The following CX3CL1 variants were observed in gnomAD, a reference collection of about 807,000 sequenced individuals.
CX3CL1 encodes fractalkine.
A neutral mutation model predicts 14.1 loss-of-function variants in CX3CL1; 1 was observed. The ratio of observed to expected loss-of-function variants is 0.07; its 90% confidence interval spans 0.03 to 0.34. The LOEUF (loss-of-function observed/expected upper bound fraction) is 0.34. Among genes scored for constraint, CX3CL1 ranks in the 10% least tolerant of loss-of-function variants. The pLI, the probability that CX3CL1 is intolerant of heterozygous loss-of-function variation, is 0.99. For missense variants in CX3CL1, 505 were observed against 536.4 expected (o/e 0.94, Z 0.58); for synonymous variants, 255 against 229.6 (o/e 1.11, Z -1.00).
At chr16:57,375,119 G>A (rs1471468200) in intron 1 of CX3CL1, among the ~76,000 whole-genome samples, 8 of 146,958 alleles carry the variant, frequency 5.4e-5, no homozygotes, top group Non-Finnish European at 1.2e-4. Context: ...CAGCCTGGGT[G>A]ACAGAGTGAG....
chr16:57,381,352 G>A (rs750883673), intron 2 of CX3CL1, among the ~76,000 whole-genome samples: 10 of 152,148 alleles, frequency 6.6e-5, no homozygotes, highest in Admixed American at 5.9e-4. Context: ...TTTGGAGGGC[G>A]CTCGGGATCC....
intron 2 of CX3CL1, 100 bp downstream of exon 2, chr16:57,379,854 G>C (rs1902296245): frequency 6.2e-6 from 9 of 1,440,564 alleles, no homozygotes; most frequent in Non-Finnish European, 8.6e-6. Context: ...CCAGACCTGG[G>C]CTCCCAGCCA....
In CX3CL1 at chr16:57,384,588, C is replaced by T. The variant is rs1902386860; in HGVS notation, c.*1556C>T. 6.6e-6 allele frequency: 1 copy of T among 152,474 alleles called. No individual in the cohort carries two copies. The highest frequency in any genetic ancestry group is 1.5e-5 in the Non-Finnish European group (1 of 68,264). 9.4% of individuals were successfully genotyped at this position (152,474 alleles called of 1,614,324 possible). A position where few individuals can be genotyped will look rare whatever the true frequency, so the allele number is the denominator to read the frequency against. ...GTTCTACCCAGGTGCTAGGAACACT[C>T]CTTCACAGATGGGTGCTTGGAGGAA... On this transcript the variant is annotated 3_prime_UTR_variant, in exon 3 of 3. Coordinates refer to ENST00000006053, the MANE Select transcript of CX3CL1 (RefSeq NM_002996.6).
At chr16:57,379,558 G>C (rs1445804789) in intron 1 of CX3CL1, 76 bp from the exon 2 acceptor site, 2 of 1,593,594 alleles carry the variant, frequency 1.3e-6, no homozygotes, top group African/African-American at 2.7e-5. Context: ...TGGTGTGGCC[G>C]GGACAATCTG....
intron 1 of CX3CL1, among the ~76,000 whole-genome samples, chr16:57,376,537 T>TGGAA (rs1307003806): frequency 1.3e-5 from 2 of 149,852 alleles, no homozygotes; most frequent in Non-Finnish European, 3.0e-5. Context: ...GGTGGATGGA[T>TGGAA]GGACAGATGG....
In CX3CL1 at chr16:57,383,093, A is replaced by C. The variant is rs1015117865; in HGVS notation, c.*61A>C. The C allele has an allele frequency of 3.7e-6, 5 of 1,337,218 alleles. No homozygotes were observed. Among genetic ancestry groups the C allele is most frequent in the Non-Finnish European group, 4.8e-6 (5 of 1,031,122 alleles). 82.8% of individuals were successfully genotyped at this position (1,337,218 alleles called of 1,614,324 possible). A position where few individuals can be genotyped will look rare whatever the true frequency, so the allele number is the denominator to read the frequency against. ...CAGCTGCCTGGGATCCCTCATCCTC[A>C]TACCCACCCCCACCCAAGGGCCTGG... is the stretch of plus-strand genomic sequence containing the variant. On this transcript the variant is annotated 3_prime_UTR_variant, in exon 3 of 3. Transcript: ENST00000006053.
At chr16:57,379,891 C>A (rs933885718) in intron 2 of CX3CL1, 137 bp downstream of exon 2, 1 of 1,032,686 alleles carries the variant, frequency 9.7e-7, no homozygotes, top group Non-Finnish European at 1.4e-6. Context: ...CTTCTCTTGC[C>A]CCTGGCCTGC....
chr16:57,383,072 T>C lies in CX3CL1; in HGVS notation c.*40T>C. 4 of 1,366,812 alleles carry C rather than the reference T, an allele frequency of 2.9e-6. No individual in the cohort carries two copies. Among genetic ancestry groups the C allele is most frequent in the Non-Finnish European group, 2.9e-6 (3 of 1,051,206 alleles). The allele number at this position is 1,366,812 out of a possible 1,614,324, so 84.7% of individuals were successfully genotyped here. A position where few individuals can be genotyped will look rare whatever the true frequency, so the allele number is the denominator to read the frequency against. On this transcript the variant is annotated 3_prime_UTR_variant, in exon 3 of 3. Coordinates refer to ENST00000006053, the MANE Select transcript of CX3CL1 (RefSeq NM_002996.6). ...TGTCTAGTTGTTTGATTCAGACAGC[T>C]GCCTGGGATCCCTCATCCTCATACC... is the stretch of plus-strand genomic sequence containing the variant.
chr16:57,382,899 G>T lies in CX3CL1; in HGVS notation c.1061G>T (p.Cys354Phe). Residue 354 changes from cysteine to phenylalanine, a missense_variant, in exon 3 of 3, where the codon TGC (cysteine) becomes TTC (phenylalanine). By Grantham distance (205) the Cys-to-Phe change is radical. Coordinates refer to ENST00000006053, the MANE Select transcript of CX3CL1 (RefSeq NM_002996.6). This position sits in a 1 kb window ranked among gnomAD's most constrained non-coding sequence, Gnocchi z 6.9. ...GLLAFLGLLF[C>F]LGVAMFTYQS... ...CTGGCCTTCCTTGGCCTCCTCTTCT[G>T]CCTGGGGGTGGCCATGTTCACCTAC... 1 of 1,554,676 alleles carries T rather than the reference G, an allele frequency of 6.4e-7. No homozygotes were observed.
At chr16:57,373,016 C>G (rs932322409) in intron 1 of CX3CL1, among the ~76,000 whole-genome samples, 2 of 152,136 alleles carry the variant, frequency 1.3e-5, no homozygotes, top group Non-Finnish European at 1.5e-5. Flanking sequence ...GTGGCTGGCT[C>G]TTTCCATCAA....
At chr16:57,379,843 C>A in intron 2 of CX3CL1, 89 bp downstream of exon 2, 1 of 1,497,712 alleles carries the variant, frequency 6.7e-7, no homozygotes, top group South Asian at 1.2e-5. Context: ...CACCTCCGCT[C>A]CCAGACCTGG....
At chr16:57,380,565 AG>A (rs1902305379) in intron 2 of CX3CL1, among the ~76,000 whole-genome samples, 1 of 152,218 alleles carries the variant, frequency 6.6e-6, no homozygotes, top group African/African-American at 2.4e-5. Flanking sequence ...CTCAAAAAAA[AG>A]AAAAAGACAA....
At position 57,373,469 on chromosome 16, in the gene CX3CL1, C is replaced by T. The variant is rs1488263550; in HGVS notation, c.70+831C>T. ...GCACACTCACCACCTCTGTGGGCCA[C>T]ATCACCTCCATGAACCGCTAGCCAG... On this transcript the variant is annotated intron_variant, in intron 1 of 2. Transcript: ENST00000006053. 4.6e-5 allele frequency among the ~76,000 whole-genome samples: 7 copies of T among 152,342 alleles called. No homozygotes were observed. The East Asian group carries it at 1.3e-3, about 29-fold the overall frequency.
Position 57,382,843 on chromosome 16 carries a change from G to A in CX3CL1, c.1005G>A (p.Gln335=). 1 of 1,561,988 alleles carries A rather than the reference G, an allele frequency of 6.4e-7. No homozygotes were observed. Among genetic ancestry groups the A allele is most frequent in the Non-Finnish European group, 8.7e-7 (1 of 1,150,044 alleles). The change falls in exon 3 of 3, where the codon CAG becomes CAA. Residue 335 remains glutamine (Q), a synonymous_variant. Coordinates refer to ENST00000006053, the MANE Select transcript of CX3CL1 (RefSeq NM_002996.6). The surrounding 1 kb of genome is among the most constrained non-coding windows in gnomAD (Gnocchi z 6.9). The part of the protein sequence containing the change: ...GVLITPVPDA[Q]AATRRQAVGL... ...TTATCACTCCTGTCCCTGACGCCCA[G>A]GCTGCCACCCGGAGGCAGGCGGTGG... is the stretch of plus-strand genomic sequence containing the variant.
chr16:57,372,744 C>A, intron 1 of CX3CL1, 106 bp downstream of exon 1: 1 of 1,134,284 alleles, frequency 8.8e-7, no homozygotes, highest in Non-Finnish European at 1.3e-6. Flanking sequence ...GGGTAAAGCT[C>A]AAGGCCGGTG....
At chr16:57,379,269 T>C (rs1227779953) in intron 1 of CX3CL1, 3 of 274,606 alleles carry the variant, frequency 1.1e-5, no homozygotes, top group Non-Finnish European at 2.0e-5. Context: ...GAGGTTGCGG[T>C]GAGCCGAGAT....
rs1490954764 is a variant in CX3CL1, at chr16:57,382,172, C to A, written c.334C>A (p.Pro112Thr). The A allele has an allele frequency of 6.2e-7, 1 of 1,613,532 alleles. No individual in the cohort carries two copies. Among genetic ancestry groups the A allele is most frequent in the East Asian group, 2.2e-5 (1 of 44,878 alleles). ...TFEKQIGEVK[P>T]RTTPAAGGMD... Reference sequence around the variant, plus strand: ...CGAGAAGCAGATCGGCGAGGTGAAGCCCAGGACCACCCCTGCCGCCGGGGG... The same window carrying A: ...CGAGAAGCAGATCGGCGAGGTGAAGACCAGGACCACCCCTGCCGCCGGGGG... Residue 112 changes from proline to threonine, a missense_variant, in exon 3 of 3, where the codon CCC becomes ACC. Transcript: ENST00000006053. The surrounding 1 kb of genome is among the most constrained non-coding windows in gnomAD (Gnocchi z 6.9).
intron 1 of CX3CL1, among the ~76,000 whole-genome samples, chr16:57,374,355 T>C (rs1247375585): frequency 6.6e-6 from 1 of 151,908 alleles, no homozygotes; most frequent in Non-Finnish European, 1.5e-5. Context: ...CTTCTGTACT[T>C]TATATAACAA....
At chr16:57,374,477 G>T (rs1252520610) in intron 1 of CX3CL1, among the ~76,000 whole-genome samples, 1 of 152,174 alleles carries the variant, frequency 6.6e-6, no homozygotes, top group Non-Finnish European at 1.5e-5. Flanking sequence ...TCTGTTTTAA[G>T]CTCCTATAGC....
Sources: allele counts gnomAD v4.1 joint callset (sites outside exome capture counted in the v4.1 genomes callset), GRCh38; gene constraint gnomAD v4.1.1; non-coding constraint Gnocchi (gnomAD v3.1); transcripts MANE v1.5; gene names NCBI Gene and HGNC (gene_info 2026-07-23, HGNC 2026-07-21).